Variants in WIPF3 observed in about 807,000 individuals in gnomAD.
WIPF3 encodes the protein WAS/WASL interacting protein family member 3.
Under a neutral mutation model 38.9 loss-of-function variants are expected in WIPF3, and 33 were observed. The ratio of observed to expected loss-of-function variants is 0.85; its 90% CI spans 0.64 to 1.14. The LOEUF is 1.14. Among genes scored for constraint, WIPF3 ranks in the 50% most tolerant of loss-of-function variants. The probability of loss-of-function intolerance (pLI) is 0.00; values close to 1 mark genes in which losing one functional copy is unlikely to be tolerated. For synonymous variants in WIPF3, 324 were observed against 269.3 expected (o/e 1.20, Z -1.99); for missense variants, 711 against 652.5 (o/e 1.09, Z -0.98).
intron 2 of WIPF3, among the ~76,000 whole-genome samples, chr7:29,843,324 G>A (rs1019359448): frequency 6.6e-6 from 1 of 152,232 alleles, no homozygotes; most frequent in African/African-American, 2.4e-5. Context: ...GGAACAAAGA[G>A]GAGAGGGCTT....
intron 1 of WIPF3, among the ~76,000 whole-genome samples, chr7:29,828,704 C>T (rs1489522971): frequency 2.0e-5 from 3 of 152,194 alleles, no homozygotes; most frequent in Admixed American, 6.5e-5. Flanking sequence ...AGCCATGTCC[C>T]GCCTGCGCTC....
In WIPF3 at chr7:29,884,331, C is replaced by T. The variant is rs548308628; in HGVS notation, c.837C>T (p.Pro279=). Residue 279 remains proline, a synonymous_variant, in exon 5 of 9, where the codon CCC becomes CCT. Coordinates refer to ENST00000242140, the MANE Select transcript of WIPF3 (RefSeq NM_001080529.3). ...PCGYPGLKAE[P]ASPAQDAQEP... ...GGTATCCGGGGCTCAAAGCGGAGCCCGCCAGCCCTGCGCAAGATGCGCAGG... is the reference window on the plus strand; with the variant it reads ...GGTATCCGGGGCTCAAAGCGGAGCCTGCCAGCCCTGCGCAAGATGCGCAGG... 2.6e-6 allele frequency: 4 copies of T among 1,533,594 alleles called. No homozygotes were observed. The East Asian group carries it at 7.5e-5, about 29-fold the overall frequency. 95.0% of individuals were successfully genotyped at this position (1,533,594 alleles called of 1,614,324 possible).
chr7:29,884,263 C>CGG lies in WIPF3; in HGVS notation c.769_770insGG (p.Leu257ArgfsTer118). 2 of 1,506,576 alleles carry CGG rather than the reference C, an allele frequency of 1.3e-6. No homozygotes were observed. The highest frequency in any genetic ancestry group is 1.8e-6 in the Non-Finnish European group (2 of 1,118,290). 93.3% of individuals were successfully genotyped at this position (1,506,576 alleles called of 1,614,324 possible). On this transcript the variant is annotated frameshift_variant, in exon 5 of 9. Coordinates refer to ENST00000242140, the MANE Select transcript of WIPF3 (RefSeq NM_001080529.3). LOFTEE classifies it high-confidence loss of function. The stretch of plus-strand genomic sequence containing the variant: ...GAAGCCTCAGCTGGCTCCCTTGCAC[C>CGG]TCCCGCCCATCCCGCCCCCGCTCCC...
At chr7:29,883,721 C>T in intron 4 of WIPF3, 129 bp from the exon 5 acceptor site, 1 of 1,309,082 alleles carries the variant, frequency 7.6e-7, no homozygotes, top group Non-Finnish European at 1.0e-6. Flanking sequence ...TCTCAGTGGA[C>T]ACGTGCAGAA....
intron 1 of WIPF3, among the ~76,000 whole-genome samples, chr7:29,809,848 A>G (rs1424665405): frequency 6.6e-6 from 1 of 152,184 alleles, no homozygotes; most frequent in Non-Finnish European, 1.5e-5. Flanking sequence ...CTGTGGAGGA[A>G]GATTTTCAAG....
intron 2 of WIPF3, among the ~76,000 whole-genome samples, chr7:29,855,914 T>A (rs1382553115): frequency 6.6e-6 from 1 of 152,234 alleles, no homozygotes; most frequent in African/African-American, 2.4e-5. Context: ...TATAAGTGTG[T>A]AGCAAACTCA....
At chr7:29,832,298 A>G (rs1784735092) in intron 1 of WIPF3, among the ~76,000 whole-genome samples, 1 of 152,222 alleles carries the variant, frequency 6.6e-6, no homozygotes, top group Admixed American at 6.5e-5. Context: ...ATATCTGATA[A>G]TTTGTGCTTG....
chr7:29,823,544 C>T lies in WIPF3; in HGVS notation c.-57-11124C>T, dbSNP rs915136163. ...GTGTTCTGCTAACAAGGTTTGTCTCCATCTTTTGCGGGAGCCTGATTCCTT... is the reference window on the plus strand; with the variant it reads ...GTGTTCTGCTAACAAGGTTTGTCTCTATCTTTTGCGGGAGCCTGATTCCTT... On this transcript the variant is annotated intron_variant, in intron 1 of 8. Transcript: ENST00000242140. This position sits in a 1 kb window ranked among gnomAD's most constrained non-coding sequence, Gnocchi z 4.0. Among the ~76,000 whole-genome samples, 2 of 152,154 alleles carry T rather than the reference C, an allele frequency of 1.3e-5. No individual in the cohort carries two copies. The highest frequency in any genetic ancestry group is 4.8e-5 in the African/African-American group (2 of 41,426).
intron 8 of WIPF3, 128 bp from the exon 9 acceptor site, chr7:29,914,365 C>G (rs991485988): frequency 1.5e-5 from 11 of 709,710 alleles, no homozygotes; most frequent in Non-Finnish European, 2.1e-5. Context: ...GGCATCTCCC[C>G]AAACTTGACA....
In WIPF3 at chr7:29,823,779, C is replaced by T. The variant is rs990130999; in HGVS notation, c.-57-10889C>T. The stretch of plus-strand genomic sequence containing the variant: ...TCTTGTGATGTTGAGTGAGTTCTCA[C>T]GAGATCTGATTGTTTAAAAGTGCGT... On this transcript the variant is annotated intron_variant, in intron 1 of 8. Transcript: ENST00000242140. This position sits in a 1 kb window ranked among gnomAD's most constrained non-coding sequence, Gnocchi z 4.0. Among the ~76,000 whole-genome samples the T allele has an allele frequency of 1.4e-4, 21 of 152,124 alleles. No homozygotes were observed. Among genetic ancestry groups the T allele is most frequent in the Non-Finnish European group, 2.8e-4 (19 of 68,036 alleles).
Position 29,806,544 on chromosome 7 carries a change from C to G in WIPF3, c.-192C>G, listed in dbSNP as rs1784280435. 6.6e-6 allele frequency: 1 copy of G among 151,244 alleles called. No individual in the cohort carries two copies. The highest frequency in any genetic ancestry group is 2.4e-5 in the African/African-American group (1 of 41,314). The allele number at this position is 151,244 out of a possible 1,614,324, so 9.4% of individuals were successfully genotyped here. On this transcript the variant is annotated 5_prime_UTR_variant, in exon 1 of 9. Coordinates refer to ENST00000242140, the MANE Select transcript of WIPF3 (RefSeq NM_001080529.3). ...TGGCCGGGGAGCGAGCCGGGCGCAC[C>G]GAGCGCAGCTCGGCGGTAGCGGCGC... is the stretch of plus-strand genomic sequence containing the variant.
intron 8 of WIPF3, among the ~76,000 whole-genome samples, chr7:29,909,220 AT>A (rs1404241152): frequency 2.0e-5 from 3 of 152,266 alleles, no homozygotes; most frequent in African/African-American, 7.2e-5. Context: ...CAGCAACCTA[AT>A]TTTACAATGT....
chr7:29,901,825 C>CAAAAAAAAA (rs869296187), intron 7 of WIPF3, among the ~76,000 whole-genome samples: 5 of 82,588 alleles, frequency 6.1e-5, no homozygotes, highest in African/African-American at 1.2e-4. Flanking sequence ...GTCCCTGTCT[C>CAAAAAAAAA]AAAAAAAAAA....
chr7:29,813,388 C>G (rs935137472), intron 1 of WIPF3, among the ~76,000 whole-genome samples: 3 of 152,204 alleles, frequency 2.0e-5, no homozygotes, highest in Non-Finnish European at 4.4e-5. Flanking sequence ...CATTTGACAG[C>G]CTGGCATTGT....
chr7:29,854,110 C>A (rs567196549), intron 2 of WIPF3, among the ~76,000 whole-genome samples: 1 of 152,198 alleles, frequency 6.6e-6, no homozygotes, highest in Non-Finnish European at 1.5e-5. Flanking sequence ...GTGAGGCACC[C>A]GGCCTTTGGA....
intron 7 of WIPF3, among the ~76,000 whole-genome samples, chr7:29,899,455 C>T (rs1384023683): frequency 1.3e-5 from 2 of 152,172 alleles, no homozygotes; most frequent in African/African-American, 2.4e-5. Flanking sequence ...AGTGTAAGGC[C>T]CTGAATGGCA....
At chr7:29,894,525 G>A (rs1213423794) in intron 7 of WIPF3, among the ~76,000 whole-genome samples, 1 of 152,180 alleles carries the variant, frequency 6.6e-6, no homozygotes, top group Non-Finnish European at 1.5e-5. Flanking sequence ...TGTCATCCCT[G>A]TGAGCCCTAG....
At chr7:29,825,133 TA>T (rs1437354685) in intron 1 of WIPF3, among the ~76,000 whole-genome samples, 3 of 152,170 alleles carry the variant, frequency 2.0e-5, no homozygotes, top group Admixed American at 2.0e-4. Context: ...TAACATAAAT[TA>T]AAGAGGTGGT....
intron 8 of WIPF3, among the ~76,000 whole-genome samples, chr7:29,912,993 G>C (rs1174997680): frequency 6.6e-6 from 1 of 152,196 alleles, no homozygotes; most frequent in Admixed American, 6.5e-5. Flanking sequence ...AGTGGGTACT[G>C]ATGATTGGTT....
Sources: allele counts gnomAD v4.1 joint callset (sites outside exome capture counted in the v4.1 genomes callset), GRCh38; gene constraint gnomAD v4.1.1; non-coding constraint Gnocchi (gnomAD v3.1); transcripts MANE v1.5; gene names NCBI Gene and HGNC (gene_info 2026-07-23, HGNC 2026-07-21).